The following TMEFF2 variants were observed in gnomAD, a reference collection of about 807,000 sequenced individuals.
TMEFF2 encodes the protein tomoregulin-2.
Under a neutral mutation model 53.8 loss-of-function variants are expected in TMEFF2, and 28 were observed. That is an observed-to-expected ratio of 0.52 (90% CI 0.39 to 0.71). The LOEUF is 0.71. Ranked by LOEUF, TMEFF2 falls within the 30% of genes least tolerant of loss-of-function variation. The pLI, the probability that TMEFF2 is intolerant of heterozygous loss-of-function variation, is 0.00. For synonymous variants in TMEFF2, 162 were observed against 166.3 expected (o/e 0.97, Z 0.20); for missense variants, 353 against 455.2 (o/e 0.78, Z 2.04).
At chr2:192,090,444 T>C (rs543831043) in intron 4 of TMEFF2, among the ~76,000 whole-genome samples, 2 of 152,282 alleles carry the variant, frequency 1.3e-5, no homozygotes, top group East Asian at 3.9e-4. Flanking sequence ...TTAAATATCA[T>C]CACAGTCAAA....
chr2:192,007,214 A>G (rs528324817), intron 5 of TMEFF2, among the ~76,000 whole-genome samples: 7 of 152,284 alleles, frequency 4.6e-5, no homozygotes, highest in South Asian at 2.1e-4. Context: ...ACTCCATGCA[A>G]TGTGTTTGGT....
At chr2:191,993,863 TTA>T (rs1279507998) in intron 7 of TMEFF2, among the ~76,000 whole-genome samples, 2 of 152,124 alleles carry the variant, frequency 1.3e-5, no homozygotes, top group Non-Finnish European at 1.5e-5. Context: ...TTTATTCATT[TTA>T]TGTTTTTCAC....
chr2:192,099,115 G>C (rs899913357), intron 4 of TMEFF2, among the ~76,000 whole-genome samples: 1 of 152,032 alleles, frequency 6.6e-6, no homozygotes, highest in African/African-American at 2.4e-5. Context: ...TCAGTTGAAG[G>C]AGAGTCCACA....
intron 5 of TMEFF2, among the ~76,000 whole-genome samples, chr2:192,054,968 T>G (rs920514093): frequency 1.3e-5 from 2 of 151,026 alleles, no homozygotes; most frequent in African/African-American, 4.9e-5. Context: ...TAAAAGCTCA[T>G]GTCTTAAATG....
In TMEFF2 at chr2:192,194,445, A is replaced by G; in HGVS notation, c.80T>C (p.Val27Ala). 6.2e-7 allele frequency: 1 copy of G among 1,614,132 alleles called. No homozygotes were observed. Among genetic ancestry groups the G allele is most frequent in the Non-Finnish European group, 8.5e-7 (1 of 1,180,018 alleles). Residue 27 changes from valine to alanine, a missense_variant, in exon 1 of 10, where the codon GTC becomes GCC. Coordinates refer to ENST00000272771, the MANE Select transcript of TMEFF2 (RefSeq NM_016192.4). This position sits in a 1 kb window ranked among gnomAD's most constrained non-coding sequence, Gnocchi z 4.2. ...EGFCWLLLLP[V>A]MLLIVARPVK... ...CGGGCGGGCTACGATGAGTAGCATG[A>G]CGGGCAGCAGCAGCAGCCAGCAAAA... is the stretch of plus-strand genomic sequence containing the variant.
At chr2:191,958,346 T>G (rs1692167938) in intron 7 of TMEFF2, among the ~76,000 whole-genome samples, 1 of 152,194 alleles carries the variant, frequency 6.6e-6, no homozygotes, top group Non-Finnish European at 1.5e-5. Context: ...TGCAGGGAAA[T>G]TTTCTGTGAC....
intron 4 of TMEFF2, among the ~76,000 whole-genome samples, chr2:192,069,184 G>A (rs773587314): frequency 9.9e-5 from 15 of 151,596 alleles, no homozygotes; most frequent in Non-Finnish European, 1.6e-4. Context: ...AGTGACTCCT[G>A]TGATTCCCTC....
At chr2:191,953,907 T>TTTTTTA in intron 8 of TMEFF2, 70 bp from the exon 9 acceptor site, 1 of 966,912 alleles carries the variant, frequency 1.0e-6, no homozygotes, top group African/African-American at 1.7e-5. Flanking sequence ...TTTTTTTTTT[T>TTTTTTA]GAGACGGAGT....
chr2:192,134,389 G>C (rs917878402), intron 4 of TMEFF2, among the ~76,000 whole-genome samples: 2 of 152,104 alleles, frequency 1.3e-5, no homozygotes, highest in African/African-American at 2.4e-5. Context: ...GATCACGCTT[G>C]ATTTATTGAT....
At chr2:192,083,187 G>A (rs570371538) in intron 4 of TMEFF2, among the ~76,000 whole-genome samples, 17 of 152,224 alleles carry the variant, frequency 1.1e-4, no homozygotes, top group African/African-American at 3.9e-4. Context: ...AGTAGGTAGT[G>A]TCCAGGGAGG....
At chr2:192,193,171 A>G (rs1283481951) in intron 1 of TMEFF2, among the ~76,000 whole-genome samples, 1 of 152,212 alleles carries the variant, frequency 6.6e-6, no homozygotes, top group African/African-American at 2.4e-5. Context: ...TCTTTGAAAG[A>G]CACTTTATTC....
chr2:192,053,471 A>T (rs1388824444), intron 5 of TMEFF2, among the ~76,000 whole-genome samples: 2 of 146,050 alleles, frequency 1.4e-5, no homozygotes, highest in Non-Finnish European at 3.1e-5. Flanking sequence ...TCAGGAATTA[A>T]TTTTTCACCT....
In TMEFF2 at chr2:191,950,151, A is replaced by T; in HGVS notation, c.*160T>A. 1 of 1,425,154 alleles carries T rather than the reference A, an allele frequency of 7.0e-7. No homozygotes were observed. Among genetic ancestry groups the T allele is most frequent in the Non-Finnish European group, 9.2e-7 (1 of 1,092,670 alleles). 88.3% of individuals were successfully genotyped at this position (1,425,154 alleles called of 1,614,324 possible). A position where few individuals can be genotyped will look rare whatever the true frequency, so the allele number is the denominator to read the frequency against. ...AATGTATACTATTTCAAATATATCCATACATAATCAAATATAGCTGTAGTA... is the reference window on the plus strand; with the variant it reads ...AATGTATACTATTTCAAATATATCCTTACATAATCAAATATAGCTGTAGTA... On this transcript the variant is annotated 3_prime_UTR_variant, in exon 10 of 10. Coordinates refer to ENST00000272771, the MANE Select transcript of TMEFF2 (RefSeq NM_016192.4).
chr2:192,098,922 T>C (rs79040292), intron 4 of TMEFF2, among the ~76,000 whole-genome samples: 3,279 of 152,334 alleles, frequency 0.022, 46 homozygotes, highest in Admixed American at 0.027. Flanking sequence ...ACTTCAGTTA[T>C]AGAAACCAGG....
chr2:192,000,165 A>G (rs1260380028), intron 5 of TMEFF2, among the ~76,000 whole-genome samples: 1 of 152,084 alleles, frequency 6.6e-6, no homozygotes, highest in Non-Finnish European at 1.5e-5. Flanking sequence ...ACCATGTTAC[A>G]GCTTTAGAAT....
intron 7 of TMEFF2, among the ~76,000 whole-genome samples, chr2:191,989,077 T>C (rs1043299146): frequency 1.3e-5 from 2 of 152,168 alleles, no homozygotes; most frequent in Non-Finnish European, 2.9e-5. Context: ...GTTAACTTTG[T>C]GAAAAAACAT....
At chr2:192,155,592 G>A (rs1477536257) in intron 4 of TMEFF2, among the ~76,000 whole-genome samples, 1 of 151,906 alleles carries the variant, frequency 6.6e-6, no homozygotes, top group Non-Finnish European at 1.5e-5. Context: ...CAAGAGAGAG[G>A]GGAGGCTTAG....
At chr2:192,178,384 A>T (rs1042850082) in intron 4 of TMEFF2, 3 of 150,736 alleles carry the variant, frequency 2.0e-5, no homozygotes, top group African/African-American at 7.3e-5. Context: ...TTTCTTGGGA[A>T]TACTATATTA....
rs1690269305 is a variant in TMEFF2, at chr2:192,147,066, C to A, written c.439+32602G>T. On this transcript the variant is annotated intron_variant, in intron 4 of 9. Transcript: ENST00000272771. ...GATGACAACTGCACTTTACTTTAGC[C>A]TTCTGCTTTCTTGGGTCACTCTTCT... Among the ~76,000 whole-genome samples, 4 of 152,180 alleles carry A rather than the reference C, an allele frequency of 2.6e-5. No homozygotes were observed. The South Asian group carries it at 8.3e-4, about 31-fold the overall frequency.
Sources: gnomAD v4.1 joint callset for allele counts (sites outside exome capture counted in the v4.1 genomes callset) on GRCh38, gnomAD v4.1.1 for gene constraint, Gnocchi (gnomAD v3.1) non-coding constraint, MANE v1.5 for transcripts, NCBI Gene and HGNC (gene_info 2026-07-23, HGNC 2026-07-21) for gene names.